Variants in NBEAL1 observed in about 807,000 individuals in gnomAD.
NBEAL1 encodes neurobeachin-like protein 1.
A neutral mutation model predicts 351.3 loss-of-function variants in NBEAL1; 273 were observed. That is an observed-to-expected ratio of 0.78 (90% confidence interval 0.70 to 0.86). The LOEUF is 0.86. Ranked by LOEUF, NBEAL1 falls within the 40% of genes least tolerant of loss-of-function variation. NBEAL1 has a pLI of 0.00. For missense variants in NBEAL1, 2,961 were observed against 3,201.3 expected (o/e 0.92, Z 1.81); for synonymous variants, 1,050 against 1,086.4 (o/e 0.97, Z 0.66).
chr2:203,102,533 T>C (rs1225067803), intron 12 of NBEAL1, among the ~76,000 whole-genome samples: 2 of 152,228 alleles, frequency 1.3e-5, no homozygotes, highest in East Asian at 3.8e-4. Context: ...CTGAATTTTA[T>C]TGAAAGCCTT....
chr2:203,109,592 C>T (rs1014407975), intron 14 of NBEAL1, among the ~76,000 whole-genome samples: 19 of 151,966 alleles, frequency 1.3e-4, no homozygotes, highest in African/African-American at 3.4e-4. Context: ...CGATCTCAGC[C>T]GACTGCAACC....
At chr2:203,087,514 A>G (rs2061989798) in intron 10 of NBEAL1, among the ~76,000 whole-genome samples, 2 of 152,178 alleles carry the variant, frequency 1.3e-5, no homozygotes, top group Admixed American at 1.3e-4. Context: ...AGTGATTTTT[A>G]AATCTCCATA....
At chr2:203,191,342 A>G (rs2065082186) in intron 46 of NBEAL1, 2 of 82,134 alleles carry the variant, frequency 2.4e-5, no homozygotes, top group South Asian at 2.3e-4. Flanking sequence ...AAAAGAATCA[A>G]ATTATAGAAT....
chr2:203,200,225 A>G (rs1196335534), intron 49 of NBEAL1, among the ~76,000 whole-genome samples: 1 of 152,196 alleles, frequency 6.6e-6, no homozygotes, highest in African/African-American at 2.4e-5. Flanking sequence ...TAAAAATACA[A>G]AAATTGGCCG....
At chr2:203,097,133 A>T (rs2062202509) in intron 10 of NBEAL1, among the ~76,000 whole-genome samples, 1 of 152,200 alleles carries the variant, frequency 6.6e-6, no homozygotes, top group Admixed American at 6.5e-5. Context: ...ATCAGATCTA[A>T]TGAGACTTAT....
At chr2:203,151,103 G>A (rs555635584) in intron 34 of NBEAL1, among the ~76,000 whole-genome samples, 9 of 152,296 alleles carry the variant, frequency 5.9e-5, no homozygotes, top group East Asian at 1.9e-4. Context: ...AGGCCAAGGC[G>A]GGAAAATTGC....
chr2:203,070,260 A>C (rs1376225798), intron 7 of NBEAL1, among the ~76,000 whole-genome samples: 1 of 150,968 alleles, frequency 6.6e-6, no homozygotes, highest in Non-Finnish European at 1.5e-5. Flanking sequence ...AAATACATAG[A>C]TTGATTTTCA....
At chr2:203,208,226 C>T (rs1362314387) in intron 51 of NBEAL1, among the ~76,000 whole-genome samples, 1 of 151,920 alleles carries the variant, frequency 6.6e-6, no homozygotes, top group African/African-American at 2.4e-5. Flanking sequence ...GTCGAGGCTA[C>T]AGTGAGCCAT....
intron 28 of NBEAL1, 47 bp downstream of exon 28, chr2:203,136,299 A>C: frequency 7.9e-7 from 1 of 1,268,568 alleles, no homozygotes; most frequent in East Asian, 2.3e-5. Context: ...TTCATGTCTG[A>C]TATATACTTC....
chr2:203,024,770 G>A (rs953159770), intron 2 of NBEAL1, among the ~76,000 whole-genome samples: 3 of 151,970 alleles, frequency 2.0e-5, no homozygotes, highest in Admixed American at 6.6e-5. Flanking sequence ...GCTGAGGCAG[G>A]AGAATCGCTT....
intron 54 of NBEAL1, among the ~76,000 whole-genome samples, chr2:203,211,328 A>G (rs2065783877): frequency 6.6e-6 from 1 of 152,118 alleles, no homozygotes. Flanking sequence ...TTTACATTAT[A>G]TATATTTTAC....
intron 7 of NBEAL1, 98 bp from the exon 8 acceptor site, chr2:203,077,654 C>T: frequency 1.4e-6 from 1 of 707,108 alleles, no homozygotes; most frequent in South Asian, 3.9e-5. Context: ...AGCCTTTTCA[C>T]AAATAGTTCT....
At chr2:203,035,359 T>C (rs1430902268) in intron 2 of NBEAL1, among the ~76,000 whole-genome samples, 4 of 149,144 alleles carry the variant, frequency 2.7e-5, no homozygotes, top group Non-Finnish European at 6.0e-5. Flanking sequence ...AGTAGGTGTG[T>C]ATAGGTGGGA....
At chr2:203,168,823 G>A (rs564968830) in intron 38 of NBEAL1, among the ~76,000 whole-genome samples, 12 of 150,130 alleles carry the variant, frequency 8.0e-5, no homozygotes, top group African/African-American at 2.9e-4. Flanking sequence ...GAACTCTGGA[G>A]GCAGAGGTTA....
chr2:203,016,583 T>G, intron 2 of NBEAL1, 148 bp downstream of exon 2: 1 of 477,196 alleles, frequency 2.1e-6, no homozygotes, highest in Admixed American at 3.9e-5. Context: ...GGATTTTCTG[T>G]TTTCCTCTTT....
chr2:203,201,821 G>T, intron 50 of NBEAL1, 106 bp downstream of exon 50: 1 of 900,576 alleles, frequency 1.1e-6, no homozygotes, highest in Non-Finnish European at 1.6e-6. Flanking sequence ...TACCTTTGAA[G>T]CTGAGTGAAC....
chr2:203,174,465 GGATA>G (rs2064430828), intron 41 of NBEAL1, among the ~76,000 whole-genome samples: 1 of 151,998 alleles, frequency 6.6e-6, no homozygotes, highest in African/African-American at 2.4e-5. Context: ...TCATACATTA[GGATA>G]GATATTCACC....
At position 203,180,552 on chromosome 2, in the gene NBEAL1, A is replaced by G. The variant is rs1255785198; in HGVS notation, c.6595+40A>G. 5.8e-6 allele frequency: 9 copies of G among 1,551,606 alleles called. No homozygotes were observed. In the Admixed American group the frequency reaches 1.4e-4, roughly 24 times the overall value. On this transcript the variant is annotated intron_variant, in intron 43 of 55. Transcript: ENST00000683969. The stretch of plus-strand genomic sequence containing the variant: ...ATTAAAAATTTGACTAGCAGGTCCC[A>G]ATGGAGGAGCCTCAAAAATGTCTTT...
chr2:203,210,075 T>C (rs1349689806), intron 53 of NBEAL1, among the ~76,000 whole-genome samples: 1 of 151,992 alleles, frequency 6.6e-6, no homozygotes, highest in African/African-American at 2.4e-5. Context: ...ATTAAGAGTT[T>C]TGGGGGGCCG....
Sources: allele counts gnomAD v4.1 joint callset (sites outside exome capture counted in the v4.1 genomes callset), GRCh38; gene constraint gnomAD v4.1.1; transcripts MANE v1.5; gene names NCBI Gene and HGNC (gene_info 2026-07-23, HGNC 2026-07-21).